Variants in SPIRE1 observed in about 807,000 individuals in gnomAD.
SPIRE1 encodes the protein spire type actin nucleation factor 1, also known as protein spire homolog 1.
Under a neutral mutation model 94.1 loss-of-function variants are expected in SPIRE1, and 40 were observed. The observed-to-expected ratio is 0.43, with a 90% confidence interval of 0.33 to 0.55. The LOEUF is 0.55. Among genes scored for constraint, SPIRE1 ranks in the 20% least tolerant of loss-of-function variants. The probability of loss-of-function intolerance (pLI) is 0.06; values close to 1 mark genes in which losing one functional copy is unlikely to be tolerated. For synonymous variants in SPIRE1, 376 were observed against 371.7 expected (o/e 1.01, Z -0.13); for missense variants, 838 against 975.2 (o/e 0.86, Z 1.87).
chr18:12,482,944 T>TC (rs1436731411), intron 9 of SPIRE1, among the ~76,000 whole-genome samples: 2 of 150,912 alleles, frequency 1.3e-5, no homozygotes, highest in Admixed American at 1.3e-4. Flanking sequence ...TTGCACTTTT[T>TC]TTTTTTTTTT....
chr18:12,551,802 C>CT (rs2035358273), intron 2 of SPIRE1, among the ~76,000 whole-genome samples: 1 of 152,024 alleles, frequency 6.6e-6, no homozygotes. Context: ...AATTTAACAA[C>CT]TATCACAAAA....
intron 2 of SPIRE1, among the ~76,000 whole-genome samples, chr18:12,630,860 G>C (rs8089115): frequency 0.56 from 84,968 of 151,956 alleles, 24,938 homozygotes; most frequent in Middle Eastern, 0.76. Flanking sequence ...AGCAAGAGTT[G>C]GGTGAGGGGT....
intron 6 of SPIRE1, among the ~76,000 whole-genome samples, chr18:12,498,778 C>G (rs2033555199): frequency 6.6e-6 from 1 of 152,136 alleles, no homozygotes; most frequent in African/African-American, 2.4e-5. Context: ...AGGTGTGAAC[C>G]ACCATCCCCA....
At chr18:12,516,838 T>A (rs1309008332) in intron 4 of SPIRE1, among the ~76,000 whole-genome samples, 2 of 152,182 alleles carry the variant, frequency 1.3e-5, no homozygotes, top group Non-Finnish European at 2.9e-5. Context: ...TGACTAAATG[T>A]AGTCAGGAGG....
intron 2 of SPIRE1, among the ~76,000 whole-genome samples, chr18:12,612,864 C>T (rs2037181630): frequency 6.6e-6 from 1 of 152,176 alleles, no homozygotes; most frequent in South Asian, 2.1e-4. Flanking sequence ...TTATCTCCTT[C>T]AAGACCTTGT....
intron 2 of SPIRE1, among the ~76,000 whole-genome samples, chr18:12,618,894 T>C (rs942595450): frequency 2.4e-4 from 34 of 144,500 alleles, no homozygotes; most frequent in South Asian, 1.9e-3. Context: ...ACAATTTTTT[T>C]CCCCCCCAAG....
rs2031101123 is a variant in SPIRE1 at position 12,449,293 on chromosome 18, A to T, written c.*345T>A. On this transcript the variant is annotated 3_prime_UTR_variant, in exon 17 of 17. Transcript: ENST00000409402. Reference sequence around the variant, plus strand: ...GCATCTCTGTTAGACTGATTCTCGTAGGAGAAGCTTTTTTTTTTTGCCTTA... The same window carrying T: ...GCATCTCTGTTAGACTGATTCTCGTTGGAGAAGCTTTTTTTTTTTGCCTTA... 3 of 279,668 alleles carry T rather than the reference A, an allele frequency of 1.1e-5. No individual in the cohort carries two copies. The South Asian group carries it at 1.3e-4, about 12-fold the overall frequency. The allele number at this position is 279,668 out of a possible 1,614,324, so 17.3% of individuals were successfully genotyped here.
At chr18:12,540,725 G>A (rs1317977614) in intron 3 of SPIRE1, among the ~76,000 whole-genome samples, 1 of 152,170 alleles carries the variant, frequency 6.6e-6, no homozygotes, top group Non-Finnish European at 1.5e-5. Flanking sequence ...CTTAGCAATT[G>A]TTAGGATTTA....
At chr18:12,537,897 G>A (rs1002530617) in intron 3 of SPIRE1, among the ~76,000 whole-genome samples, 1 of 152,156 alleles carries the variant, frequency 6.6e-6, no homozygotes. Context: ...TACATTGGAA[G>A]ACAATATAGT....
Position 12,452,364 on chromosome 18 carries a change from T to C in SPIRE1, c.1903A>G (p.Thr635Ala), listed in dbSNP as rs1415279594. ...GGTCCCAATGAAAAGATAGGAAGAG[T>C]GGAGTATGGTTTGGAGGGCAGCCGC... ...KMRLPSKPYSTLPIFSLGPSA... is the reference protein window; with the variant it reads ...KMRLPSKPYSALPIFSLGPSA... Residue 635 changes from threonine (T) to alanine (A), a missense_variant, in exon 16 of 17, where the codon ACT (threonine) becomes GCT (alanine). Thr to Ala is a moderately conservative substitution (Grantham distance 58). Coordinates refer to ENST00000409402, the MANE Select transcript of SPIRE1 (RefSeq NM_001128626.2). The C allele has an allele frequency of 1.2e-5, 20 of 1,613,230 alleles. No individual in the cohort carries two copies. Among genetic ancestry groups the C allele is most frequent in the Non-Finnish European group, 1.6e-5 (19 of 1,179,864 alleles).
At chr18:12,452,859 A>G (rs938401068) in intron 14 of SPIRE1, among the ~76,000 whole-genome samples, 2 of 152,212 alleles carry the variant, frequency 1.3e-5, no homozygotes, top group African/African-American at 4.8e-5. Context: ...ACAGAGAAAC[A>G]TTTTCTAGGT....
Position 12,657,727 on chromosome 18 carries a change from C to A in SPIRE1, c.140G>T (p.Arg47Leu). ...RDALSLEEIL[R>L]LYNQPINEEQ... Reference sequence around the variant, plus strand: ...CTCGTTGATGGGCTGGTTGTACAGCCGCAGGATCTCCTCCAGGCTCAGCGC... The same window carrying A: ...CTCGTTGATGGGCTGGTTGTACAGCAGCAGGATCTCCTCCAGGCTCAGCGC... The change falls in exon 1 of 17, where the codon CGG becomes CTG. Residue 47 changes from arginine to leucine, a missense_variant. Physicochemically the swap from Arg to Leu is moderately radical, Grantham distance 102 (BLOSUM62 -2). This residue lies in a region of SPIRE1 where 193 missense variants were observed against 170.5 expected (regional missense o/e 1.13). Transcript: ENST00000409402. 1 of 1,403,748 alleles carries A rather than the reference C, an allele frequency of 7.1e-7. No homozygotes were observed. 87.0% of individuals were successfully genotyped at this position (1,403,748 alleles called of 1,614,324 possible).
chr18:12,556,639 C>T (rs2035515738), intron 2 of SPIRE1, among the ~76,000 whole-genome samples: 1 of 152,136 alleles, frequency 6.6e-6, no homozygotes, highest in South Asian at 2.1e-4. Context: ...AGTGTTACAG[C>T]TCTTAAAGGC....
At chr18:12,585,372 C>T (rs1452023806) in intron 2 of SPIRE1, among the ~76,000 whole-genome samples, 2 of 152,134 alleles carry the variant, frequency 1.3e-5, no homozygotes, top group Admixed American at 6.5e-5. Context: ...GGTAGGATCC[C>T]ACCAGACAAA....
At chr18:12,525,128 T>G (rs1486504730) in intron 4 of SPIRE1, among the ~76,000 whole-genome samples, 4 of 151,170 alleles carry the variant, frequency 2.6e-5, no homozygotes, top group African/African-American at 7.3e-5. Flanking sequence ...TACAAAAAAA[T>G]TAGCCGGGCG....
intron 2 of SPIRE1, among the ~76,000 whole-genome samples, chr18:12,621,515 C>T (rs2037467390): frequency 6.6e-6 from 1 of 152,080 alleles, no homozygotes; most frequent in Non-Finnish European, 1.5e-5. Context: ...ACAGTATATC[C>T]ATACTATGGA....
At chr18:12,476,588 T>TATACAC (rs1238183759) in intron 10 of SPIRE1, among the ~76,000 whole-genome samples, 7 of 104,438 alleles carry the variant, frequency 6.7e-5, no homozygotes, top group African/African-American at 2.3e-4. Flanking sequence ...TATATATATA[T>TATACAC]ACACACACAC....
chr18:12,650,191 C>T (rs1443388152), intron 1 of SPIRE1, among the ~76,000 whole-genome samples: 1 of 151,334 alleles, frequency 6.6e-6, no homozygotes, highest in Non-Finnish European at 1.5e-5. Flanking sequence ...GTGACCCGAG[C>T]TCGTGCCACT....
intron 6 of SPIRE1, among the ~76,000 whole-genome samples, chr18:12,501,381 C>G (rs1567893800): frequency 1.3e-5 from 2 of 151,976 alleles, no homozygotes; most frequent in Non-Finnish European, 2.9e-5. Context: ...AAAAGTCAGA[C>G]TTTTTTTGTT....
Sources: allele counts gnomAD v4.1 joint callset (sites outside exome capture counted in the v4.1 genomes callset), GRCh38; gene constraint gnomAD v4.1.1; regional missense constraint gnomAD v4.1.1; transcripts MANE v1.5; gene names NCBI Gene and HGNC (gene_info 2026-07-23, HGNC 2026-07-21).